PDPK1: variants seen among roughly 807,000 people sequenced by gnomAD.
PDPK1 encodes the protein 3-phosphoinositide dependent protein kinase 1, also known as 3-phosphoinositide-dependent protein kinase 1.
PDPK1 carries 7 observed loss-of-function variants against 39.8 expected under a neutral mutation model. The ratio of observed to expected loss-of-function variants is 0.18; its 90% CI spans 0.10 to 0.33. The LOEUF (loss-of-function observed/expected upper bound fraction) is 0.33, where lower values mean the gene tolerates loss of function less well. PDPK1 is among the 10% of genes least tolerant of loss of function. PDPK1 has a pLI of 1.00. For missense variants in PDPK1, 182 were observed against 384.7 expected (o/e 0.47, Z 4.41); for synonymous variants, 118 against 159.1 (o/e 0.74, Z 1.95).
chr16:2,579,378 T>C (rs1161807500), intron 7 of PDPK1: 2 of 89,206 alleles, frequency 2.2e-5, no homozygotes, highest in East Asian at 3.8e-4. Context: ...GATTTTACTT[T>C]CAGGGCGGAG....
At chr16:2,596,773 T>A (rs935742220) in intron 12 of PDPK1, among the ~76,000 whole-genome samples, 1 of 152,072 alleles carries the variant, frequency 6.6e-6, no homozygotes, top group Non-Finnish European at 1.5e-5. Context: ...CTGGCCTCTG[T>A]TCCTGGCCGT....
intron 1 of PDPK1, among the ~76,000 whole-genome samples, chr16:2,539,887 C>T (rs955410000): frequency 1.3e-5 from 2 of 152,210 alleles, no homozygotes; most frequent in Non-Finnish European, 2.9e-5. Context: ...GGCAGTTCCA[C>T]ATGATGGACA....
chr16:2,597,364 A>G lies in PDPK1; in HGVS notation c.1554+89A>G. On this transcript the variant is annotated intron_variant, in intron 13 of 13. Transcript: ENST00000342085. This position sits in a 1 kb window ranked among gnomAD's most constrained non-coding sequence, Gnocchi z 6.3. ...GCAGCCACAGGCCTTGGCCAGAGGG[A>G]GCAGCGGGGATCGGGGCAGCTGCCT... The G allele has an allele frequency of 8.2e-7, 1 of 1,215,790 alleles. No homozygotes were observed. Among genetic ancestry groups the G allele is most frequent in the Non-Finnish European group, 1.2e-6 (1 of 857,824 alleles). The allele number at this position is 1,215,790 out of a possible 1,614,324, so 75.3% of individuals were successfully genotyped here. A position where few individuals can be genotyped will look rare whatever the true frequency, so the allele number is the denominator to read the frequency against.
intron 1 of PDPK1, among the ~76,000 whole-genome samples, chr16:2,551,646 C>T: frequency 6.6e-6 from 1 of 151,014 alleles, no homozygotes; most frequent in African/African-American, 2.4e-5. Context: ...ATAGGAGGCG[C>T]CCTGATTTCC....
rs1185519684 is a variant in PDPK1, at chr16:2,593,393, G to GT, written c.1344-2394dup. 3 of 324,624 alleles carry GT rather than the reference G, an allele frequency of 9.2e-6. No homozygotes were observed. In the Admixed American group the frequency reaches 1.5e-4, roughly 16 times the overall value. 20.1% of individuals were successfully genotyped at this position (324,624 alleles called of 1,614,324 possible). A position where few individuals can be genotyped will look rare whatever the true frequency, so the allele number is the denominator to read the frequency against. ...TCCCGCCCCAGCTGTGGTCCTGGTG[G>GT]TTTTTTAGGTGGAGGTGGTTTCGTC... On this transcript the variant is annotated intron_variant, in intron 11 of 13. Transcript: ENST00000342085. This position sits in a 1 kb window ranked among gnomAD's most constrained non-coding sequence, Gnocchi z 4.2.
chr16:2,601,021 C>T lies in PDPK1; in HGVS notation c.*3254C>T, dbSNP rs557265376. 2.6e-5 allele frequency: 6 copies of T among 231,690 alleles called. No individual in the cohort carries two copies. Among genetic ancestry groups the T allele is most frequent in the Non-Finnish European group, 5.1e-5 (6 of 117,852 alleles). The allele number at this position is 231,690 out of a possible 1,614,324, so 14.4% of individuals were successfully genotyped here. A position where few individuals can be genotyped will look rare whatever the true frequency, so the allele number is the denominator to read the frequency against. Reference sequence around the variant, plus strand: ...TTTACTATAATTTATCTGACCATTTCCCTACTGTAAAATACTTAAGACGGT... The same window carrying T: ...TTTACTATAATTTATCTGACCATTTTCCTACTGTAAAATACTTAAGACGGT... On this transcript the variant is annotated 3_prime_UTR_variant, in exon 14 of 14. Coordinates refer to ENST00000342085, the MANE Select transcript of PDPK1 (RefSeq NM_002613.5).
At chr16:2,541,730 A>T (rs544983098) in intron 1 of PDPK1, among the ~76,000 whole-genome samples, 2 of 152,346 alleles carry the variant, frequency 1.3e-5, no homozygotes, top group Non-Finnish European at 2.9e-5. Context: ...AGTTTTGGAC[A>T]TGAGTTGCTC....
intron 10 of PDPK1, among the ~76,000 whole-genome samples, chr16:2,585,614 C>T (rs769829826): frequency 2.6e-5 from 4 of 152,228 alleles, no homozygotes; most frequent in East Asian, 1.9e-4. Context: ...GTGTTGGAGA[C>T]AAGCAGGCTG....
In PDPK1 at chr16:2,538,106, G is replaced by C. The variant is rs1215760620; in HGVS notation, c.-7G>C. The C allele has an allele frequency of 1.9e-6, 2 of 1,062,310 alleles. No homozygotes were observed. The highest frequency in any genetic ancestry group is 2.3e-6 in the Non-Finnish European group (2 of 878,674). The allele number at this position is 1,062,310 out of a possible 1,614,324, so 65.8% of individuals were successfully genotyped here. A position where few individuals can be genotyped will look rare whatever the true frequency, so the allele number is the denominator to read the frequency against. On this transcript the variant is annotated 5_prime_UTR_variant, in exon 1 of 14. Transcript: ENST00000342085. ...GCGGGGGAGGCGCCCGCGCCGACGC[G>C]GGGCCCATGGCCAGGACCACCAGCC...
At chr16:2,540,500 C>T (rs1206629962) in intron 1 of PDPK1, among the ~76,000 whole-genome samples, 1 of 152,104 alleles carries the variant, frequency 6.6e-6, no homozygotes, top group African/African-American at 2.4e-5. Flanking sequence ...ACGTTCGGAG[C>T]CCCTGAGGGA....
In PDPK1 at chr16:2,578,162, C is replaced by T. The variant is rs1418212615; in HGVS notation, c.785+662C>T. Among the ~76,000 whole-genome samples the T allele has an allele frequency of 1.2e-3, 176 of 148,042 alleles. 4 individuals are homozygous for T. Among genetic ancestry groups the T allele is most frequent in the African/African-American group, 4.1e-3 (159 of 38,886 alleles). On this transcript the variant is annotated intron_variant, in intron 7 of 13. Coordinates refer to ENST00000342085, the MANE Select transcript of PDPK1 (RefSeq NM_002613.5). The stretch of plus-strand genomic sequence containing the variant: ...CAGGCAGCCCGGCCTTCGGGTTGCT[C>T]GGCCACACACCAGCTGCAGTGGGAC...
intron 1 of PDPK1, among the ~76,000 whole-genome samples, chr16:2,550,411 C>G (rs1296982660): frequency 2.5e-5 from 2 of 78,560 alleles, no homozygotes; most frequent in South Asian, 7.0e-4. Flanking sequence ...ATTGTAGTTT[C>G]TGGCCCCTCC....
chr16:2,597,703 G>A lies in PDPK1; in HGVS notation c.1607G>A (p.Cys536Tyr). 2 of 1,613,926 alleles carry A rather than the reference G, an allele frequency of 1.2e-6. No individual in the cohort carries two copies. The highest frequency in any genetic ancestry group is 1.7e-4 in the Middle Eastern group (1 of 5,826). The change falls in exon 14 of 14, where the codon TGC becomes TAC. Residue 536 changes from cysteine (C) to tyrosine (Y), a missense_variant. Cys to Tyr is a radical substitution (Grantham distance 194, BLOSUM62 -2). Coordinates refer to ENST00000342085, the MANE Select transcript of PDPK1 (RefSeq NM_002613.5). This position sits in a 1 kb window ranked among gnomAD's most constrained non-coding sequence, Gnocchi z 6.3. ...CCCAGCGGGAACGCACACAAGTGGT[G>A]CAGGAAGATCCAGGAGGTTTGGAGG... is the stretch of plus-strand genomic sequence containing the variant. ...MDPSGNAHKW[C>Y]RKIQEVWRQR... is the part of the protein sequence containing the mutation.
chr16:2,584,844 G>T (rs1362412268), intron 10 of PDPK1, among the ~76,000 whole-genome samples: 1 of 152,214 alleles, frequency 6.6e-6, no homozygotes, highest in African/African-American at 2.4e-5. Context: ...GTGGCCACCT[G>T]CAGCTTTCAT....
chr16:2,585,022 G>T (rs1389840052), intron 10 of PDPK1, among the ~76,000 whole-genome samples: 4 of 152,128 alleles, frequency 2.6e-5, no homozygotes, highest in Admixed American at 1.3e-4. Flanking sequence ...GCTGGTGGCC[G>T]TTCTCCCGTG....
In PDPK1 at chr16:2,598,762, G is replaced by C. The variant is rs1331500610; in HGVS notation, c.*995G>C. On this transcript the variant is annotated 3_prime_UTR_variant, in exon 14 of 14. Coordinates refer to ENST00000342085, the MANE Select transcript of PDPK1 (RefSeq NM_002613.5). ...CCAGTTGCTGAAGTAGGGTCTGAGA[G>C]AACCCTGGCATCAGCAGACCCAGGG... 4.3e-6 allele frequency: 1 copy of C among 233,218 alleles called. No individual in the cohort carries two copies. Among genetic ancestry groups the C allele is most frequent in the Non-Finnish European group, 8.5e-6 (1 of 118,100 alleles). 14.4% of individuals were successfully genotyped at this position (233,218 alleles called of 1,614,324 possible).
intron 11 of PDPK1, chr16:2,592,726 G>A (rs534047530): frequency 1.8e-5 from 8 of 452,238 alleles, no homozygotes; most frequent in African/African-American, 1.4e-4. Context: ...GCAAGGAGCT[G>A]TTTCTGTCGT....
chr16:2,587,005 G>A (rs1302724827), intron 11 of PDPK1, 112 bp downstream of exon 11: 20 of 906,932 alleles, frequency 2.2e-5, no homozygotes, highest in Middle Eastern at 2.3e-4. Context: ...AGCCTTGGAC[G>A]CTTGGCCAAG....
At position 2,602,667 on chromosome 16, in the gene PDPK1, CAACAT is replaced by C. The variant is rs1317529354; in HGVS notation, c.*4903_*4907del. 1 of 234,644 alleles carries C rather than the reference CAACAT, an allele frequency of 4.3e-6. No individual in the cohort carries two copies. Among genetic ancestry groups the C allele is most frequent in the African/African-American group, 2.2e-5 (1 of 45,294 alleles). The allele number at this position is 234,644 out of a possible 1,614,324, so 14.5% of individuals were successfully genotyped here. ...TAGAGCTGCTGTAGCTGTTCCTTCA[CAACAT>C]AAAATAGGATAAATGACTAGTACGT... is the stretch of plus-strand genomic sequence containing the variant. On this transcript the variant is annotated 3_prime_UTR_variant, in exon 14 of 14. Coordinates refer to ENST00000342085, the MANE Select transcript of PDPK1 (RefSeq NM_002613.5).
Sources: gnomAD v4.1 joint callset for allele counts (sites outside exome capture counted in the v4.1 genomes callset) on GRCh38, gnomAD v4.1.1 for gene constraint, Gnocchi (gnomAD v3.1) non-coding constraint, MANE v1.5 for transcripts, NCBI Gene and HGNC (gene_info 2026-07-23, HGNC 2026-07-21) for gene names.